The following ATG7 variants were observed in gnomAD, a reference collection of about 807,000 sequenced individuals.
ATG7 encodes autophagy related 7.
In ATG7, 70 loss-of-function variants were observed where a neutral mutation model predicts 82.4. That is an observed-to-expected ratio of 0.85 (90% CI 0.70 to 1.04). ATG7 has a LOEUF of 1.04. ATG7 is among the 50% of genes least tolerant of loss of function. The pLI, the probability that ATG7 is intolerant of heterozygous loss-of-function variation, is 0.00. For synonymous variants in ATG7, 287 were observed against 313.0 expected, an observed-to-expected ratio of 0.92 and a Z score of 0.88; for missense variants, 792 against 864.3, an observed-to-expected ratio of 0.92 and a Z score of 1.05.
At chr3:11,471,326 C>T (rs1193627118) in intron 20 of ATG7, among the ~76,000 whole-genome samples, 1 of 152,146 alleles carries the variant, frequency 6.6e-6, no homozygotes, top group South Asian at 2.1e-4. Context: ...GGTCTTCAAG[C>T]CTTCATTCTT....
At chr3:11,352,485 C>T (rs1464700245) in intron 14 of ATG7, among the ~76,000 whole-genome samples, 1 of 152,188 alleles carries the variant, frequency 6.6e-6, no homozygotes, top group Admixed American at 6.5e-5. Flanking sequence ...AAAAGTGTTC[C>T]TATTTTTCCA....
intron 5 of ATG7, among the ~76,000 whole-genome samples, chr3:11,300,432 AAC>A (rs1454722713): frequency 6.6e-6 from 1 of 152,218 alleles, no homozygotes. Context: ...GTATTTCTGA[AAC>A]ACAGTATGAG....
intron 19 of ATG7, among the ~76,000 whole-genome samples, chr3:11,422,396 T>G (rs185062430): frequency 4.6e-5 from 7 of 152,370 alleles, no homozygotes; most frequent in African/African-American, 1.7e-4. Context: ...GACAGCTTCT[T>G]TCCTTAAACC....
At chr3:11,440,674 C>CATTTTTTTTTTTTTTTTTTTTTT (rs769737485) in intron 20 of ATG7, among the ~76,000 whole-genome samples, 1 of 39,484 alleles carries the variant, frequency 2.5e-5, no homozygotes, top group African/African-American at 1.1e-4. Context: ...TCCCCATTTG[C>CATTTTTTTTTTTTTTTTTTTTTT]TTTTTTTTTT....
chr3:11,419,695 C>A (rs768716544), intron 19 of ATG7, among the ~76,000 whole-genome samples: 2 of 152,070 alleles, frequency 1.3e-5, no homozygotes, highest in Admixed American at 6.6e-5. Flanking sequence ...GGTGTGGGGG[C>A]GCTGAAATGC....
intron 14 of ATG7, among the ~76,000 whole-genome samples, chr3:11,357,422 C>G (rs1290106543): frequency 2.0e-5 from 3 of 151,774 alleles, no homozygotes; most frequent in Non-Finnish European, 4.4e-5. Context: ...AAGCCTTACT[C>G]TGTCCCACAC....
chr3:11,376,501 G>A (rs188030346), intron 18 of ATG7, among the ~76,000 whole-genome samples: 307 of 152,242 alleles, frequency 2.0e-3, no homozygotes, highest in Non-Finnish European at 2.8e-3. Context: ...TTTTAAGGAA[G>A]GTGAACACTT....
chr3:11,564,497 G>C, the ATG7 span, among the ~76,000 whole-genome samples: 4 of 152,116 alleles, frequency 2.6e-5, no homozygotes, highest in Non-Finnish European at 5.9e-5. Context: ...CACCACCCCT[G>C]TACTGGGAGA....
chr3:11,532,135 C>T (rs373385945), intron 20 of ATG7, among the ~76,000 whole-genome samples: 10 of 152,128 alleles, frequency 6.6e-5, no homozygotes, highest in Non-Finnish European at 1.2e-4. Flanking sequence ...GGTTCTTGCC[C>T]CCAAGGTTCC....
At chr3:11,274,833 GT>G (rs1211575750) in intron 1 of ATG7, among the ~76,000 whole-genome samples, 1 of 151,812 alleles carries the variant, frequency 6.6e-6, no homozygotes, top group East Asian at 1.9e-4. Context: ...ATAAACAGTA[GT>G]CATTAATATT....
chr3:11,415,625 T>G (rs9878389), intron 19 of ATG7, among the ~76,000 whole-genome samples: 125,447 of 152,036 alleles, frequency 0.83, 51,953 homozygotes, highest in East Asian at 1. Context: ...CTACGCCTAC[T>G]CAGGGTCAGG....
intron 20 of ATG7, among the ~76,000 whole-genome samples, chr3:11,530,070 C>A (rs2092665055): frequency 6.6e-6 from 1 of 152,140 alleles, no homozygotes; most frequent in Non-Finnish European, 1.5e-5. Context: ...TTTGAGGACG[C>A]CTCTCGGTCT....
intron 19 of ATG7, among the ~76,000 whole-genome samples, chr3:11,380,744 C>G (rs1288324761): frequency 1.3e-5 from 2 of 152,170 alleles, no homozygotes; most frequent in African/African-American, 2.4e-5. Context: ...GCTTTTAAGG[C>G]TCATGATTGC....
intron 20 of ATG7, among the ~76,000 whole-genome samples, chr3:11,531,703 C>CCG (rs1197119122): frequency 6.6e-6 from 1 of 151,844 alleles, no homozygotes; most frequent in Non-Finnish European, 1.5e-5. Flanking sequence ...AAAACCCTGT[C>CCG]TTTGCAAAAA....
intron 11 of ATG7, among the ~76,000 whole-genome samples, chr3:11,335,755 T>C (rs1373447713): frequency 2.0e-5 from 3 of 152,186 alleles, no homozygotes; most frequent in Non-Finnish European, 2.9e-5. Flanking sequence ...TCGAGTGCAA[T>C]GGCACGATCT....
intron 7 of ATG7, among the ~76,000 whole-genome samples, chr3:11,312,584 T>C (rs765661385): frequency 2.6e-5 from 4 of 152,238 alleles, no homozygotes; most frequent in Non-Finnish European, 5.9e-5. Context: ...CAAAGTGAGC[T>C]GCCTGGTGTC....
intron 19 of ATG7, among the ~76,000 whole-genome samples, chr3:11,418,154 G>A (rs1347336167): frequency 6.6e-6 from 1 of 151,642 alleles, no homozygotes; most frequent in African/African-American, 2.4e-5. Context: ...GTCCAGGCTG[G>A]AGTGCAATCG....
chr3:11,296,905 GC>G, intron 3 of ATG7, among the ~76,000 whole-genome samples: 1 of 152,104 alleles, frequency 6.6e-6, no homozygotes, highest in East Asian at 1.9e-4. Context: ...TTATGTAGGA[GC>G]ACTAACTTTG....
chr3:11,525,779 C>A (rs890351478), intron 20 of ATG7, among the ~76,000 whole-genome samples: 5 of 151,914 alleles, frequency 3.3e-5, no homozygotes, highest in Admixed American at 6.6e-5. Context: ...TGGTCTCGAT[C>A]TCCTGACGTT....
Sources: allele counts gnomAD v4.1 joint callset (sites outside exome capture counted in the v4.1 genomes callset), GRCh38; gene constraint gnomAD v4.1.1; transcripts MANE v1.5; gene names NCBI Gene and HGNC (gene_info 2026-07-23, HGNC 2026-07-21).